SLC4A4: variants seen among roughly 807,000 people sequenced by gnomAD.
SLC4A4 encodes solute carrier family 4 member 4.
SLC4A4 carries 27 observed loss-of-function variants against 111.5 expected under a neutral mutation model. The ratio of observed to expected loss-of-function variants is 0.24; its 90% CI spans 0.18 to 0.33. The LOEUF (loss-of-function observed/expected upper bound fraction) is 0.33. Among genes scored for constraint, SLC4A4 ranks in the 10% least tolerant of loss-of-function variants. The probability of loss-of-function intolerance (pLI) is 1.00; values close to 1 mark genes in which losing one functional copy is unlikely to be tolerated. For missense variants in SLC4A4, 909 were observed against 1,315.5 expected (o/e 0.69, Z 4.78); for synonymous variants, 443 against 463.4 (o/e 0.96, Z 0.57).
intron 3 of SLC4A4, among the ~76,000 whole-genome samples, chr4:71,275,149 A>C (rs1722980483): frequency 1.3e-5 from 2 of 152,174 alleles, no homozygotes; most frequent in African/African-American, 4.8e-5. Context: ...AGTGAACCCA[A>C]AGGACTCAGG....
chr4:71,320,832 C>T (rs1443603517), intron 3 of SLC4A4, among the ~76,000 whole-genome samples: 5 of 151,934 alleles, frequency 3.3e-5, no homozygotes, highest in Non-Finnish European at 7.4e-5. Context: ...TACACGTTAC[C>T]CCAAGCCTTA....
intron 3 of SLC4A4, among the ~76,000 whole-genome samples, chr4:71,337,623 G>T (rs1178176889): frequency 6.6e-6 from 1 of 151,950 alleles, no homozygotes; most frequent in East Asian, 1.9e-4. Flanking sequence ...TACAAGAATT[G>T]TTGGCTCACA....
At chr4:71,300,301 G>T in intron 3 of SLC4A4, 1 of 217,104 alleles carries the variant, frequency 4.6e-6, no homozygotes, top group East Asian at 1.1e-4. Flanking sequence ...CTAATGATGA[G>T]CAGCATGGCC....
chr4:71,319,593 T>C (rs1305456138), intron 3 of SLC4A4, among the ~76,000 whole-genome samples: 1 of 152,032 alleles, frequency 6.6e-6, no homozygotes, highest in East Asian at 1.9e-4. Context: ...TGAAAATTTG[T>C]TGGTATTACT....
chr4:71,546,631 A>T, intron 19 of SLC4A4, 103 bp downstream of exon 19: 2 of 977,246 alleles, frequency 2.0e-6, no homozygotes, highest in Non-Finnish European at 3.2e-6. Context: ...AGGGCTTGTG[A>T]TGATTAATTT....
intron 3 of SLC4A4, among the ~76,000 whole-genome samples, chr4:71,309,044 G>A (rs1725923212): frequency 6.6e-6 from 1 of 152,190 alleles, no homozygotes; most frequent in Non-Finnish European, 1.5e-5. Flanking sequence ...CTTGGTGGAG[G>A]CAGGGGCATC....
chr4:71,471,146 A>G (rs537154729), intron 13 of SLC4A4, among the ~76,000 whole-genome samples: 1 of 152,094 alleles, frequency 6.6e-6, no homozygotes, highest in African/African-American at 2.4e-5. Flanking sequence ...TGCATGAGAC[A>G]TAGTTCATAG....
chr4:71,249,404 C>G (rs1285381026), intron 2 of SLC4A4, among the ~76,000 whole-genome samples: 1 of 151,748 alleles, frequency 6.6e-6, no homozygotes, highest in Non-Finnish European at 1.5e-5. Flanking sequence ...GAGTCTGGAC[C>G]CTCATGCAAA....
chr4:71,567,764 CT>C lies in SLC4A4; in HGVS notation c.*37-14del, dbSNP rs150600814. The C allele has an allele frequency of 3.0e-3, 3,146 of 1,040,314 alleles. 1 individual carries two copies. Among genetic ancestry groups the C allele is most frequent in the South Asian group, 3.4e-3 (205 of 60,272 alleles). The allele number at this position is 1,040,314 out of a possible 1,614,324, so 64.4% of individuals were successfully genotyped here. A position where few individuals can be genotyped will look rare whatever the true frequency, so the allele number is the denominator to read the frequency against. ...TGAAGGAAATCTGATTTACTTACTA[CT>C]TTTTTTTTTCCTTTTTCTCTAGTCC... On this transcript the variant is annotated intron_variant, in intron 25 of 25. Coordinates refer to ENST00000264485, the MANE Select transcript of SLC4A4 (RefSeq NM_001098484.3).
intron 2 of SLC4A4, among the ~76,000 whole-genome samples, chr4:71,248,824 C>T (rs112642399): frequency 7.2e-5 from 11 of 152,208 alleles, no homozygotes; most frequent in African/African-American, 2.4e-4. Flanking sequence ...TGGTCTTAGG[C>T]GCCTCACCTT....
intron 7 of SLC4A4, among the ~76,000 whole-genome samples, chr4:71,435,220 A>G (rs1182623502): frequency 6.6e-6 from 1 of 152,180 alleles, no homozygotes; most frequent in Non-Finnish European, 1.5e-5. Context: ...TATATAGAAC[A>G]ATGAAACAGA....
intron 2 of SLC4A4, among the ~76,000 whole-genome samples, chr4:71,172,259 CTT>C (rs745577250): frequency 2.3e-4 from 33 of 143,272 alleles, no homozygotes; most frequent in East Asian, 2.2e-3. Context: ...CTTTTTCTTT[CTT>C]TTTTTTTTTT....
At chr4:71,111,790 A>G (rs1462098466) in intron 2 of SLC4A4, among the ~76,000 whole-genome samples, 1 of 148,974 alleles carries the variant, frequency 6.7e-6, no homozygotes, top group East Asian at 2.0e-4. Context: ...TCTGCCTCCC[A>G]GGCTCAAGTG....
At chr4:71,376,083 A>G (rs573016072) in intron 6 of SLC4A4, among the ~76,000 whole-genome samples, 241 of 149,756 alleles carry the variant, frequency 1.6e-3, no homozygotes, top group African/African-American at 5.7e-3. Flanking sequence ...ACGTATATAT[A>G]TACATATATA....
intron 6 of SLC4A4, among the ~76,000 whole-genome samples, chr4:71,382,094 G>A (rs559424915): frequency 6.6e-6 from 1 of 152,136 alleles, no homozygotes; most frequent in East Asian, 1.9e-4. Context: ...TAGACTTTGG[G>A]TGATCATTTT....
At position 71,113,420 on chromosome 4, in the gene SLC4A4, C is replaced by A. The variant is rs370649326; in HGVS notation, c.-2+20628C>A. ...CACTTATGGTATAGCAGAAGATGTGCTTGGCAATTTAATTGGATGGCTGTA... is the reference window on the plus strand; with the variant it reads ...CACTTATGGTATAGCAGAAGATGTGATTGGCAATTTAATTGGATGGCTGTA... On this transcript the variant is annotated intron_variant, in intron 2 of 26. Coordinates refer to the SLC4A4 transcript ENST00000649996. Among the ~76,000 whole-genome samples, 20 of 152,304 alleles carry A rather than the reference C, an allele frequency of 1.3e-4. No homozygotes were observed. The East Asian group carries it at 3.9e-3, about 29-fold the overall frequency.
In SLC4A4 at chr4:71,281,687, T is replaced by C. The variant is rs551440916; in HGVS notation, c.253+26288T>C. The stretch of plus-strand genomic sequence containing the variant: ...TTTAAGTGTAACGTGTTAGGGAAAT[T>C]CTCCCTTTGGAATACATAACACAAC... On this transcript the variant is annotated intron_variant, in intron 3 of 25. Coordinates refer to ENST00000264485, the MANE Select transcript of SLC4A4 (RefSeq NM_001098484.3). Among the ~76,000 whole-genome samples, 5 of 152,332 alleles carry C rather than the reference T, an allele frequency of 3.3e-5. No homozygotes were observed. The South Asian group carries it at 1.0e-3, about 32-fold the overall frequency.
At chr4:71,349,867 A>C (rs1286815195) in intron 4 of SLC4A4, 45 bp from the exon 5 acceptor site, 1 of 1,599,846 alleles carries the variant, frequency 6.3e-7, no homozygotes, top group East Asian at 2.2e-5. Flanking sequence ...TTCTAGAGGA[A>C]GTTAGAACAC....
chr4:71,482,822 C>T (rs1371137004), intron 14 of SLC4A4, among the ~76,000 whole-genome samples: 7 of 151,510 alleles, frequency 4.6e-5, no homozygotes, highest in Admixed American at 4.6e-4. Flanking sequence ...CCACATAAGT[C>T]ATCTGATTTT....
Sources: gnomAD v4.1 joint callset for allele counts (sites outside exome capture counted in the v4.1 genomes callset) on GRCh38, gnomAD v4.1.1 for gene constraint, MANE v1.5 for transcripts, NCBI Gene and HGNC (gene_info 2026-07-23, HGNC 2026-07-21) for gene names.